Variants in STT3B observed in about 807,000 individuals in gnomAD.
STT3B encodes STT3 oligosaccharyltransferase complex catalytic subunit B.
A neutral mutation model predicts 96.8 loss-of-function variants in STT3B; 29 were observed. The observed-to-expected ratio is 0.30, with a 90% CI of 0.22 to 0.41. The LOEUF (loss-of-function observed/expected upper bound fraction) is 0.41. Among genes scored for constraint, STT3B ranks in the 10% least tolerant of loss-of-function variants. STT3B has a pLI of 1.00. For synonymous variants in STT3B, 367 were observed against 360.0 expected, an observed-to-expected ratio of 1.02 and a Z score of -0.22; for missense variants, 640 against 1,022.3, an observed-to-expected ratio of 0.63 and a Z score of 5.10.
Position 31,617,079 on chromosome 3 carries a change from C to A in STT3B, c.1123+4C>A, listed in dbSNP as rs368671716. 5 of 1,596,448 alleles carry A rather than the reference C, an allele frequency of 3.1e-6. No individual in the cohort carries two copies. The highest frequency in any genetic ancestry group is 2.2e-5 in the East Asian group (1 of 44,654). On this transcript the variant is annotated splice_donor_region_variant and intron_variant, in intron 7 of 15. Coordinates refer to ENST00000295770, the MANE Select transcript of STT3B (RefSeq NM_178862.3). ...GTCATCTATTTGACTTATACAGGTA[C>A]GTGTTATCACCTGTAGGGTGTGAAT...
chr3:31,549,135 G>A (rs1413792047), intron 1 of STT3B, among the ~76,000 whole-genome samples: 1 of 152,128 alleles, frequency 6.6e-6, no homozygotes, highest in African/African-American at 2.4e-5. Context: ...CTAAGGCTAA[G>A]TAACTTTACC....
At chr3:31,557,560 G>A (rs538105572) in intron 1 of STT3B, among the ~76,000 whole-genome samples, 148 of 152,062 alleles carry the variant, frequency 9.7e-4, no homozygotes, top group Middle Eastern at 6.8e-3. Flanking sequence ...TCATTGTTGC[G>A]TAGTTTTCCT....
In STT3B at chr3:31,533,700, G is replaced by T. The variant is rs576188564; in HGVS notation, c.314+388G>T. Reference sequence around the variant, plus strand: ...AGGAGGCGGCAGGTAGCTCCTCCGCGGACTGTCGGTCGATTCCCCGCCCTC... The same window carrying T: ...AGGAGGCGGCAGGTAGCTCCTCCGCTGACTGTCGGTCGATTCCCCGCCCTC... On this transcript the variant is annotated intron_variant, in intron 1 of 15. Coordinates refer to ENST00000295770, the MANE Select transcript of STT3B (RefSeq NM_178862.3). 5.0e-3 allele frequency: 785 copies of T among 158,500 alleles called. 4 individuals carry two copies. The highest frequency in any genetic ancestry group is 0.018 in the African/African-American group (753 of 41,870). 9.8% of individuals were successfully genotyped at this position (158,500 alleles called of 1,614,324 possible). A position where few individuals can be genotyped will look rare whatever the true frequency, so the allele number is the denominator to read the frequency against.
At chr3:31,629,602 G>A (rs1290604820) in intron 14 of STT3B, among the ~76,000 whole-genome samples, 191 bp downstream of exon 14, 1 of 152,022 alleles carries the variant, frequency 6.6e-6, no homozygotes, top group Non-Finnish European at 1.5e-5. Context: ...TAAAATTTTA[G>A]ATCAAGGACT....
chr3:31,559,189 GTT>G (rs1369824885), intron 1 of STT3B, among the ~76,000 whole-genome samples: 3 of 102,750 alleles, frequency 2.9e-5, no homozygotes, highest in Non-Finnish European at 4.0e-5. Flanking sequence ...GTGTGTGTGT[GTT>G]GTCTCTTTCA....
At chr3:31,614,770 GT>G (rs112946415) in intron 5 of STT3B, among the ~76,000 whole-genome samples, 8,054 of 151,806 alleles carry the variant, frequency 0.053, 728 homozygotes, top group African/African-American at 0.18. Flanking sequence ...TTAATTTTAT[GT>G]ATGTATTACT....
At position 31,637,142 on chromosome 3, in the gene STT3B, A is replaced by G. The variant is rs1699766967; in HGVS notation, c.*1078A>G. 1 of 152,198 alleles carries G rather than the reference A, an allele frequency of 6.6e-6. No individual in the cohort carries two copies. 9.4% of individuals were successfully genotyped at this position (152,198 alleles called of 1,614,324 possible). A position where few individuals can be genotyped will look rare whatever the true frequency, so the allele number is the denominator to read the frequency against. On this transcript the variant is annotated 3_prime_UTR_variant, in exon 16 of 16. Transcript: ENST00000295770. ...GACAGTTGTCAAAAAATGCACTAAA[A>G]TGTAAATGGAGATTGAACAAGTTCA...
chr3:31,589,257 A>G (rs1275442459), intron 3 of STT3B, among the ~76,000 whole-genome samples: 3 of 152,016 alleles, frequency 2.0e-5, no homozygotes, highest in African/African-American at 4.8e-5. Context: ...CATTACTGGT[A>G]TATAGGAACA....
chr3:31,585,031 TTGTC>T (rs900668797), intron 3 of STT3B, among the ~76,000 whole-genome samples: 1 of 152,158 alleles, frequency 6.6e-6, no homozygotes, highest in Non-Finnish European at 1.5e-5. Flanking sequence ...AAATGTTAAG[TTGTC>T]TAATTCCTCA....
intron 1 of STT3B, among the ~76,000 whole-genome samples, chr3:31,559,967 G>T (rs1171680948): frequency 6.6e-6 from 1 of 151,814 alleles, no homozygotes; most frequent in East Asian, 1.9e-4. Context: ...ACTGTTTTTT[G>T]ACTTAAAGCC....
chr3:31,581,613 AT>A (rs1302541688), intron 3 of STT3B, among the ~76,000 whole-genome samples: 2 of 152,132 alleles, frequency 1.3e-5, no homozygotes, highest in Non-Finnish European at 2.9e-5. Flanking sequence ...TTTCCTAAGG[AT>A]TTATGCATCT....
At chr3:31,582,144 T>G (rs1438809855) in intron 3 of STT3B, among the ~76,000 whole-genome samples, 2 of 151,592 alleles carry the variant, frequency 1.3e-5, no homozygotes, top group African/African-American at 4.9e-5. Context: ...AACTTTTGGT[T>G]TCATTGATTT....
chr3:31,565,855 C>G (rs977805209), intron 1 of STT3B, among the ~76,000 whole-genome samples: 1 of 152,072 alleles, frequency 6.6e-6, no homozygotes, highest in Non-Finnish European at 1.5e-5. Context: ...ACTTCTCTGT[C>G]CTTTTATTTC....
intron 4 of STT3B, 103 bp downstream of exon 4, chr3:31,596,966 A>G (rs1698806700): frequency 1.2e-6 from 1 of 864,762 alleles, no homozygotes; most frequent in Non-Finnish European, 1.8e-6. Flanking sequence ...TGTTTAATGT[A>G]ATCTTTCATT....
At chr3:31,617,834 G>A (rs998627505) in intron 7 of STT3B, 106 bp from the exon 8 acceptor site, 7 of 797,330 alleles carry the variant, frequency 8.8e-6, no homozygotes, top group Non-Finnish European at 1.5e-5. Context: ...GAAATTCTTT[G>A]AACATTAGTT....
At position 31,596,495 on chromosome 3, in the gene STT3B, G is replaced by T. The variant is rs369162545; in HGVS notation, c.712-303G>T. 1.1e-4 allele frequency among the ~76,000 whole-genome samples: 17 copies of T among 151,970 alleles called. 1 individual carries two copies. The East Asian group carries it at 2.9e-3, about 26-fold the overall frequency. ...CATGGTGACCTGTGGCATGGTGTGTGGATATCAGTGAGGGCAAGAGACTTT... is the reference window on the plus strand; with the variant it reads ...CATGGTGACCTGTGGCATGGTGTGTTGATATCAGTGAGGGCAAGAGACTTT... On this transcript the variant is annotated intron_variant, in intron 3 of 15. Coordinates refer to ENST00000295770, the MANE Select transcript of STT3B (RefSeq NM_178862.3).
intron 1 of STT3B, among the ~76,000 whole-genome samples, chr3:31,574,870 GA>G (rs985715463): frequency 1.3e-5 from 2 of 151,866 alleles, no homozygotes; most frequent in African/African-American, 2.4e-5. Context: ...ATGCTCTGCG[GA>G]AAAAAAATTT....
rs187362529 is a variant in STT3B at position 31,614,467 on chromosome 3, C to T, written c.878-638C>T. 4.1e-4 allele frequency among the ~76,000 whole-genome samples: 63 copies of T among 151,972 alleles called. 1 individual carries two copies. In the East Asian group the frequency reaches 0.012, roughly 28 times the overall value. On this transcript the variant is annotated intron_variant, in intron 5 of 15. Coordinates refer to ENST00000295770, the MANE Select transcript of STT3B (RefSeq NM_178862.3). ...AACTTAATTTAGATTGATGAGAATA[C>T]TATAACATACTTAGTGTGAAAAGAA...
intron 1 of STT3B, among the ~76,000 whole-genome samples, chr3:31,541,526 A>G (rs1032261383): frequency 1.3e-5 from 2 of 149,806 alleles, no homozygotes; most frequent in African/African-American, 4.9e-5. Context: ...TTGTTGGTCA[A>G]AGGATTGTTG....
Sources: gnomAD v4.1 joint callset for allele counts (sites outside exome capture counted in the v4.1 genomes callset) on GRCh38, gnomAD v4.1.1 for gene constraint, MANE v1.5 for transcripts, NCBI Gene and HGNC (gene_info 2026-07-23, HGNC 2026-07-21) for gene names.